Variants in CDKAL1 observed in about 807,000 individuals in gnomAD.
CDKAL1 encodes CDKAL1 threonylcarbamoyladenosine tRNA methylthiotransferase.
A neutral mutation model predicts 68.2 loss-of-function variants in CDKAL1; 32 were observed. The ratio of observed to expected loss-of-function variants is 0.47; its 90% confidence interval spans 0.35 to 0.63. The LOEUF (loss-of-function observed/expected upper bound fraction) is 0.63, where lower values mean the gene tolerates loss of function less well. Ranked by LOEUF, CDKAL1 falls within the 30% of genes least tolerant of loss-of-function variation. The probability of loss-of-function intolerance (pLI) is 0.00; values close to 1 mark genes in which losing one functional copy is unlikely to be tolerated. For missense variants in CDKAL1, 606 were observed against 696.7 expected (o/e 0.87, Z 1.47); for synonymous variants, 234 against 244.3 (o/e 0.96, Z 0.39).
chr6:20,581,975 A>G (rs1035351776), intron 4 of CDKAL1, among the ~76,000 whole-genome samples: 2 of 152,220 alleles, frequency 1.3e-5, no homozygotes, highest in African/African-American at 4.8e-5. Flanking sequence ...TTTATAAAGC[A>G]TATGTATAAG....
At chr6:21,002,278 A>T (rs1767467627) in intron 11 of CDKAL1, among the ~76,000 whole-genome samples, 1 of 152,188 alleles carries the variant, frequency 6.6e-6, no homozygotes, top group African/African-American at 2.4e-5. Context: ...GTATTCAACC[A>T]ACTGGAGGAT....
At chr6:21,095,393 T>C (rs1421139361) in intron 12 of CDKAL1, among the ~76,000 whole-genome samples, 1 of 152,216 alleles carries the variant, frequency 6.6e-6, no homozygotes, top group Non-Finnish European at 1.5e-5. Context: ...CTGGGCATCC[T>C]TTTCCCACTT....
intron 5 of CDKAL1, among the ~76,000 whole-genome samples, chr6:20,720,950 T>A (rs1240258936): frequency 1.3e-5 from 2 of 152,208 alleles, no homozygotes. Flanking sequence ...TTCTTTTTGT[T>A]CTTTTTATGT....
At chr6:20,786,150 A>AGG (rs1328721158) in intron 8 of CDKAL1, among the ~76,000 whole-genome samples, 1 of 152,112 alleles carries the variant, frequency 6.6e-6, no homozygotes, top group Non-Finnish European at 1.5e-5. Context: ...GCTTGAACCC[A>AGG]GGGAGTGGAT....
intron 11 of CDKAL1, among the ~76,000 whole-genome samples, chr6:21,022,685 G>A (rs1438330778): frequency 6.6e-6 from 1 of 152,192 alleles, no homozygotes; most frequent in Admixed American, 6.5e-5. Flanking sequence ...CTGGCTGGGA[G>A]GCTCTTTGTG....
At chr6:21,163,289 T>A (rs1010605726) in intron 13 of CDKAL1, among the ~76,000 whole-genome samples, 7 of 152,186 alleles carry the variant, frequency 4.6e-5, no homozygotes, top group African/African-American at 1.7e-4. Flanking sequence ...TTTTATAACC[T>A]CCTCCACTTC....
At chr6:20,710,511 T>C (rs1771797763) in intron 5 of CDKAL1, among the ~76,000 whole-genome samples, 1 of 152,222 alleles carries the variant, frequency 6.6e-6, no homozygotes, top group Admixed American at 6.5e-5. Flanking sequence ...AATTGCCTAA[T>C]GACACATTTC....
chr6:21,122,464 C>T (rs767741102), intron 13 of CDKAL1, among the ~76,000 whole-genome samples: 13 of 152,072 alleles, frequency 8.5e-5, no homozygotes, highest in Middle Eastern at 3.4e-3. Flanking sequence ...ATGCTTTTCT[C>T]TTTGAATTTC....
chr6:20,805,788 A>C (rs2150412530), intron 8 of CDKAL1, among the ~76,000 whole-genome samples: 1 of 152,344 alleles, frequency 6.6e-6, no homozygotes, highest in Middle Eastern at 3.4e-3. Flanking sequence ...TTGTTACCCA[A>C]GCAAGGAGAT....
chr6:21,143,382 G>A (rs1776018816), intron 13 of CDKAL1, among the ~76,000 whole-genome samples: 1 of 152,104 alleles, frequency 6.6e-6, no homozygotes, highest in African/African-American at 2.4e-5. Context: ...TCTCAGGAGT[G>A]TAAGGTAGGA....
intron 12 of CDKAL1, among the ~76,000 whole-genome samples, chr6:21,102,825 C>G (rs1023471678): frequency 2.6e-5 from 4 of 152,182 alleles, no homozygotes; most frequent in Admixed American, 1.3e-4. Flanking sequence ...TTGTCCAGTT[C>G]GTGAGTTGCC....
At chr6:20,885,253 C>A (rs1373319046) in intron 9 of CDKAL1, among the ~76,000 whole-genome samples, 1 of 152,166 alleles carries the variant, frequency 6.6e-6, no homozygotes, top group East Asian at 1.9e-4. Context: ...AGGACTCACA[C>A]TCCCCAATTT....
intron 8 of CDKAL1, among the ~76,000 whole-genome samples, chr6:20,834,383 C>A (rs571407284): frequency 1.4e-4 from 22 of 152,140 alleles, no homozygotes; most frequent in Non-Finnish European, 2.8e-4. Flanking sequence ...GAAAGGACAA[C>A]TGTGGGGGTG....
chr6:20,890,795 A>G (rs1022581366), intron 9 of CDKAL1, among the ~76,000 whole-genome samples: 1 of 152,242 alleles, frequency 6.6e-6, no homozygotes, highest in Admixed American at 6.5e-5. Context: ...TTATAAGTAA[A>G]GGCATCAGAC....
chr6:20,865,138 A>C (rs557686569), intron 9 of CDKAL1, among the ~76,000 whole-genome samples: 1 of 152,182 alleles, frequency 6.6e-6, no homozygotes, highest in Non-Finnish European at 1.5e-5. Flanking sequence ...GCTGAAGCAC[A>C]GAGAGGTTAC....
Position 20,781,242 on chromosome 6 carries a change from A to G in CDKAL1, c.615A>G (p.Ile205Met). Reference sequence around the variant, plus strand: ...CGAAGATTAGGAAGAATCCACTGATAGAAATCATTTCCATCAATACCGGGT... The same window carrying G: ...CGAAGATTAGGAAGAATCCACTGATGGAAATCATTTCCATCAATACCGGGT... ...DLPKIRKNPL[I>M]EIISINTGCL... The change falls in exon 8 of 16, where the codon ATA (isoleucine) becomes ATG (methionine). Residue 205 changes from isoleucine (I) to methionine (M), a missense_variant. Transcript: ENST00000274695. 1.9e-6 allele frequency: 3 copies of G among 1,612,604 alleles called. No individual in the cohort carries two copies. The highest frequency in any genetic ancestry group is 1.1e-5 in the South Asian group (1 of 90,922).
intron 10 of CDKAL1, among the ~76,000 whole-genome samples, chr6:20,988,107 C>G (rs1766575401): frequency 6.6e-6 from 1 of 151,722 alleles, no homozygotes; most frequent in African/African-American, 2.4e-5. Flanking sequence ...TTAAACATCT[C>G]TAAACTTTGG....
chr6:20,746,880 C>T (rs1445922174), intron 6 of CDKAL1, among the ~76,000 whole-genome samples: 1 of 152,102 alleles, frequency 6.6e-6, no homozygotes, highest in Non-Finnish European at 1.5e-5. Context: ...CTAATATCTA[C>T]TCTTAGCAGA....
intron 10 of CDKAL1, among the ~76,000 whole-genome samples, chr6:20,968,487 G>A (rs1765438886): frequency 6.6e-6 from 1 of 152,040 alleles, no homozygotes; most frequent in Admixed American, 6.6e-5. Flanking sequence ...AATTAGAGAG[G>A]TTTTGGCCAC....
Sources: gnomAD v4.1 joint callset for allele counts (sites outside exome capture counted in the v4.1 genomes callset) on GRCh38, gnomAD v4.1.1 for gene constraint, MANE v1.5 for transcripts, NCBI Gene and HGNC (gene_info 2026-07-23, HGNC 2026-07-21) for gene names.